The following COL20A1 variants were observed in gnomAD, a reference collection of about 807,000 sequenced individuals.
The protein encoded by COL20A1 is collagen alpha-1(XX) chain.
In COL20A1, 164 loss-of-function variants were observed where a neutral mutation model predicts 152.9. The observed-to-expected ratio is 1.07, with a 90% confidence interval of 0.94 to 1.22. The LOEUF (loss-of-function observed/expected upper bound fraction) is 1.22. Ranked by LOEUF, COL20A1 falls within the 50% of genes most tolerant of loss-of-function variation. The probability of loss-of-function intolerance (pLI) is 0.00; values close to 1 mark genes in which losing one functional copy is unlikely to be tolerated. For missense variants in COL20A1, 1,873 were observed against 1,744.8 expected (o/e 1.07, Z -1.31); for synonymous variants, 864 against 756.0 (o/e 1.14, Z -2.34).
In COL20A1 at chr20:63,314,079, T is replaced by TGCCAGGA. The variant is rs749758173; in HGVS notation, c.2378_2384dup (p.His795GlnfsTer29). On this transcript the variant is annotated frameshift_variant, in exon 19 of 36. Transcript: ENST00000358894. LOFTEE classifies it high-confidence loss of function. ...CACCCTCCCTTCTCCTAGGTCTCTG[T>TGCCAGGA]GCCAGGAGCCAGGAGCCACGTGACA... 2.5e-6 allele frequency: 4 copies of TGCCAGGA among 1,612,642 alleles called. No individual in the cohort carries two copies. The highest frequency in any genetic ancestry group is 2.7e-5 in the African/African-American group (2 of 74,900).
intron 35 of COL20A1, 88 bp downstream of exon 35, chr20:63,329,749 T>C (rs559980117): frequency 3.2e-6 from 3 of 937,986 alleles, no homozygotes; most frequent in South Asian, 3.4e-5. Flanking sequence ...TGGGGCCTCA[T>C]GCTGTCCAGG....
In COL20A1 at chr20:63,316,592, C is replaced by T; in HGVS notation, c.2564C>T (p.Ala855Val). The T allele has an allele frequency of 1.3e-6, 2 of 1,588,438 alleles. No individual in the cohort carries two copies. Among genetic ancestry groups the T allele is most frequent in the Non-Finnish European group, 1.7e-6 (2 of 1,167,546 alleles). Reference sequence around the variant, plus strand: ...GTGGCCTTCAGCCTGGTGGAAAAGGCTTATGCGTCCATCCGGGGCGTGGCC... The same window carrying T: ...GTGGCCTTCAGCCTGGTGGAAAAGGTTTATGCGTCCATCCGGGGCGTGGCC... ...LMVAFSLVEKAYASIRGVAME... is the reference protein window; with the variant it reads ...LMVAFSLVEKVYASIRGVAME... Residue 855 changes from alanine (A) to valine (V), a missense_variant, in exon 21 of 36, where the codon GCT becomes GTT. Transcript: ENST00000358894.
chr20:63,312,545 C>A lies in COL20A1; in HGVS notation c.1929C>A (p.Thr643=). The A allele has an allele frequency of 2.5e-6, 4 of 1,581,256 alleles. No homozygotes were observed. The highest frequency in any genetic ancestry group is 3.4e-6 in the Non-Finnish European group (4 of 1,167,658). Residue 643 remains threonine, a synonymous_variant, in exon 15 of 36, where the codon ACC becomes ACA. Transcript: ENST00000358894. ...CCTCTACGCTGACTGGCCGGGTGAC[C>A]ACCAGTGAGTGGGGAGAGGCTGGGG... ...GGSSTLTGRV[T]TKKAPSPSQL...
Position 63,332,163 on chromosome 20 carries a change from A to AT in COL20A1, c.*1451dup, listed in dbSNP as rs1185548775. 1.3e-5 allele frequency: 2 copies of AT among 152,324 alleles called. No homozygotes were observed. Among genetic ancestry groups the AT allele is most frequent in the Admixed American group, 1.3e-4 (2 of 15,286 alleles). The allele number at this position is 152,324 out of a possible 1,614,324, so 9.4% of individuals were successfully genotyped here. A position where few individuals can be genotyped will look rare whatever the true frequency, so the allele number is the denominator to read the frequency against. On this transcript the variant is annotated 3_prime_UTR_variant, in exon 36 of 36. Coordinates refer to ENST00000358894, the MANE Select transcript of COL20A1 (RefSeq NM_020882.4). Reference sequence around the variant, plus strand: ...AAGAAGTCACGTGGCATCGAGACAGATTTTGCACTGAGGGACAAGGAGAGC... The same window carrying AT: ...AAGAAGTCACGTGGCATCGAGACAGATTTTTGCACTGAGGGACAAGGAGAGC...
At chr20:63,297,715 C>G (rs746421490) in intron 2 of COL20A1, among the ~76,000 whole-genome samples, 195 bp from the exon 3 acceptor site, 4 of 152,250 alleles carry the variant, frequency 2.6e-5, no homozygotes, top group Non-Finnish European at 5.9e-5. Flanking sequence ...CCTCAGCGCC[C>G]AGGCGAGGCC....
At chr20:63,308,113 C>T (rs2067953790) in intron 7 of COL20A1, 23 bp downstream of exon 7, 12 of 1,610,692 alleles carry the variant, frequency 7.5e-6, no homozygotes, top group Non-Finnish European at 1.0e-5. Context: ...CCTGCCCCTC[C>T]CTCTGTCCTG....
chr20:63,327,896 C>T, intron 31 of COL20A1, 56 bp from the exon 32 acceptor site: 3 of 1,534,936 alleles, frequency 2.0e-6, no homozygotes, highest in Non-Finnish European at 2.7e-6. Context: ...TCACACTTGT[C>T]ACGTGTGGTC....
Position 63,307,960 on chromosome 20 carries a change from C to T in COL20A1, c.656-11C>T, listed in dbSNP as rs766893668. 11 of 1,611,674 alleles carry T rather than the reference C, an allele frequency of 6.8e-6. No individual in the cohort carries two copies. Among genetic ancestry groups the T allele is most frequent in the Non-Finnish European group, 9.3e-6 (11 of 1,179,146 alleles). On this transcript the variant is annotated splice_polypyrimidine_tract_variant and intron_variant, in intron 6 of 35. Transcript: ENST00000358894. The stretch of plus-strand genomic sequence containing the variant: ...GGAAACTCAGCCCGTGGCCATGCCC[C>T]TGCTCCCCAGGCCTGACTCAGTACA...
At position 63,311,393 on chromosome 20, in the gene COL20A1, G is replaced by C. The variant is rs745509475; in HGVS notation, c.1394-1G>C. On this transcript the variant is annotated splice_acceptor_variant, in intron 11 of 35. Coordinates refer to ENST00000358894, the MANE Select transcript of COL20A1 (RefSeq NM_020882.4). LOFTEE classifies it high-confidence loss of function. The surrounding 1 kb of genome is among the most constrained non-coding windows in gnomAD (Gnocchi z 4.4). ...TAAAGTGTCCCTGCATGGCCCCCCA[G>C]CACCTCTGCCTCCGCCCCGGGCGCT... is the stretch of plus-strand genomic sequence containing the variant. 2.5e-6 allele frequency: 4 copies of C among 1,579,778 alleles called. No homozygotes were observed. In the African/African-American group the frequency reaches 4.0e-5, roughly 16 times the overall value.
In COL20A1 at chr20:63,294,478, C is replaced by G. The variant is rs1197206369; in HGVS notation, c.-10-620C>G. 2.0e-5 allele frequency among the ~76,000 whole-genome samples: 3 copies of G among 152,004 alleles called. No homozygotes were observed. The South Asian group carries it at 6.2e-4, about 31-fold the overall frequency. On this transcript the variant is annotated intron_variant, in intron 1 of 35. Coordinates refer to ENST00000358894, the MANE Select transcript of COL20A1 (RefSeq NM_020882.4). ...CTGGTCCTCCTTGTAGCCCACTCAGCTCTCCAGTGGCCCTGGCGGCCTCCC... is the reference window on the plus strand; with the variant it reads ...CTGGTCCTCCTTGTAGCCCACTCAGGTCTCCAGTGGCCCTGGCGGCCTCCC...
At chr20:63,325,774 G>T in intron 29 of COL20A1, 53 bp downstream of exon 29, 1 of 1,526,854 alleles carries the variant, frequency 6.5e-7, no homozygotes, top group Non-Finnish European at 9.0e-7. Flanking sequence ...ACTGGCCTGG[G>T]GACGGGGGGC....
At position 63,311,762 on chromosome 20, in the gene COL20A1, C is replaced by T. The variant is rs2068010095; in HGVS notation, c.1663+14C>T. On this transcript the variant is annotated intron_variant, in intron 13 of 35. Coordinates refer to ENST00000358894, the MANE Select transcript of COL20A1 (RefSeq NM_020882.4). The surrounding 1 kb of genome is among the most constrained non-coding windows in gnomAD (Gnocchi z 4.4). ...GTGCCAGGACCCGTGAGTGCTCCAA[C>T]CCCGGCTGCCTGCCCACAGGCGGGT... The T allele has an allele frequency of 1.3e-6, 2 of 1,583,182 alleles. No homozygotes were observed. The highest frequency in any genetic ancestry group is 1.7e-6 in the Non-Finnish European group (2 of 1,170,820).
At chr20:63,301,712 G>A (rs2067864995) in intron 3 of COL20A1, among the ~76,000 whole-genome samples, 2 of 151,930 alleles carry the variant, frequency 1.3e-5, no homozygotes. Flanking sequence ...TACTTGTGAT[G>A]GTACTATTGC....
In COL20A1 at chr20:63,314,083, A is replaced by G. The variant is rs780196697; in HGVS notation, c.2370A>G (p.Pro790=). 70 of 1,612,636 alleles carry G rather than the reference A, an allele frequency of 4.3e-5. No homozygotes were observed. The South Asian group carries it at 6.5e-4, about 15-fold the overall frequency. The change falls in exon 19 of 36, where the codon CCA becomes CCG. Residue 790 remains proline, a synonymous_variant. Coordinates refer to ENST00000358894, the MANE Select transcript of COL20A1 (RefSeq NM_020882.4). ...CTCCCTTCTCCTAGGTCTCTGTGCCAGGAGCCAGGAGCCACGTGACACTGC... is the reference window on the plus strand; with the variant it reads ...CTCCCTTCTCCTAGGTCTCTGTGCCGGGAGCCAGGAGCCACGTGACACTGC... ...GLGPEKSVSV[P]GARSHVTLPD... is the part of the protein sequence containing the mutation.
At chr20:63,326,906 T>G in intron 31 of COL20A1, 83 bp downstream of exon 31, 1 of 975,980 alleles carries the variant, frequency 1.0e-6, no homozygotes, top group Non-Finnish European at 1.5e-6. Context: ...ACTCAGGGAC[T>G]TCCTACTGAC....
At chr20:63,325,193 G>A (rs1221870391) in intron 27 of COL20A1, 3 of 661,632 alleles carry the variant, frequency 4.5e-6, no homozygotes, top group African/African-American at 3.6e-5. Flanking sequence ...GGGAGGGCTG[G>A]CTGTGACCCA....
chr20:63,297,719 C>T (rs552870286), intron 2 of COL20A1, among the ~76,000 whole-genome samples, 191 bp from the exon 3 acceptor site: 5 of 152,346 alleles, frequency 3.3e-5, no homozygotes, highest in East Asian at 1.9e-4. Flanking sequence ...AGCGCCCAGG[C>T]GAGGCCTCGT....
At chr20:63,308,484 C>G in intron 7 of COL20A1, 58 bp from the exon 8 acceptor site, 8 of 1,451,406 alleles carry the variant, frequency 5.5e-6, no homozygotes, top group South Asian at 1.4e-5. Flanking sequence ...TGCTGCCAGC[C>G]GAGCACCAGG....
chr20:63,298,343 T>G (rs1375287148), intron 3 of COL20A1, among the ~76,000 whole-genome samples: 1 of 152,178 alleles, frequency 6.6e-6, no homozygotes, highest in Non-Finnish European at 1.5e-5. Flanking sequence ...CAGACTGGAG[T>G]GCAGTGGTGC....
Sources: allele counts gnomAD v4.1 joint callset (sites outside exome capture counted in the v4.1 genomes callset), GRCh38; gene constraint gnomAD v4.1.1; non-coding constraint Gnocchi (gnomAD v3.1); transcripts MANE v1.5; gene names NCBI Gene and HGNC (gene_info 2026-07-23, HGNC 2026-07-21).